The following HK1 variants were observed in gnomAD, a reference collection of about 807,000 sequenced individuals.
The protein encoded by HK1 is hexokinase 1.
HK1 carries 28 observed loss-of-function variants against 91.6 expected under a neutral mutation model. The ratio of observed to expected loss-of-function variants is 0.31; its 90% CI spans 0.23 to 0.42. The LOEUF is 0.42. Among genes scored for constraint, HK1 ranks in the 10% least tolerant of loss-of-function variants. HK1 has a pLI of 1.00. For missense variants in HK1, 770 were observed against 1,219.8 expected (o/e 0.63, Z 5.49); for synonymous variants, 430 against 468.1 (o/e 0.92, Z 1.05).
At position 69,380,183 on chromosome 10, in the gene HK1, CG is replaced by C; in HGVS notation, c.1265+89del. ...AGATCAGACTTTTGTACCCGGTAAACGTTTTTCGGCAGACAAGACAATGGTG... is the reference window on the plus strand; with the variant it reads ...AGATCAGACTTTTGTACCCGGTAAACTTTTTCGGCAGACAAGACAATGGTG... On this transcript the variant is annotated intron_variant, in intron 9 of 17. Transcript: ENST00000359426. This position sits in a 1 kb window ranked among gnomAD's most constrained non-coding sequence, Gnocchi z 4.0. 1.9e-6 allele frequency: 2 copies of C among 1,077,610 alleles called. No individual in the cohort carries two copies. The highest frequency in any genetic ancestry group is 2.8e-6 in the Non-Finnish European group (2 of 708,112). The allele number at this position is 1,077,610 out of a possible 1,614,324, so 66.8% of individuals were successfully genotyped here.
intron 1 of HK1, chr10:69,338,717 T>TG: frequency 7.9e-7 from 1 of 1,257,866 alleles, no homozygotes; most frequent in Non-Finnish European, 1.0e-6. Flanking sequence ...GTGTAAGTAC[T>TG]TGTGTGTGTA....
chr10:69,364,946 A>T, intron 4 of HK1, 44 bp downstream of exon 4: 1 of 1,612,472 alleles, frequency 6.2e-7, no homozygotes, highest in Non-Finnish European at 8.5e-7. Flanking sequence ...ATGCCCCGGG[A>T]TGGAAAAGCT....
At chr10:69,302,826 C>T (rs1336314723) in intron 5 of HK1, among the ~76,000 whole-genome samples, 2 of 151,272 alleles carry the variant, frequency 1.3e-5, no homozygotes, top group Non-Finnish European at 2.9e-5. Flanking sequence ...GATACATTTA[C>T]AGGTAGAATT....
intron 2 of HK1, among the ~76,000 whole-genome samples, chr10:69,346,387 T>A (rs368401387): frequency 2.3e-4 from 35 of 152,320 alleles, no homozygotes; most frequent in South Asian, 2.3e-3. Flanking sequence ...TTGACCCTGG[T>A]CGACTAGACA....
intron 4 of HK1, among the ~76,000 whole-genome samples, chr10:69,299,035 G>A (rs896171886): frequency 6.6e-6 from 1 of 151,580 alleles, no homozygotes; most frequent in African/African-American, 2.4e-5. Context: ...TCCCTCCTGG[G>A]TTCAAGTGAT....
At chr10:69,308,817 A>T (rs1343208263) in intron 5 of HK1, among the ~76,000 whole-genome samples, 1 of 152,166 alleles carries the variant, frequency 6.6e-6, no homozygotes, top group Admixed American at 6.6e-5. Flanking sequence ...CCTTTGGATG[A>T]GCAGTTCACA....
intron 7 of HK1, among the ~76,000 whole-genome samples, chr10:69,372,110 A>C (rs904184771): frequency 6.6e-6 from 1 of 152,080 alleles, no homozygotes; most frequent in Non-Finnish European, 1.5e-5. Flanking sequence ...GTGCAGGGGA[A>C]CTCCTCTTTA....
intron 2 of HK1, among the ~76,000 whole-genome samples, chr10:69,284,945 T>G (rs1407507568): frequency 6.6e-6 from 1 of 152,002 alleles, no homozygotes; most frequent in Non-Finnish European, 1.5e-5. Context: ...GCCTCCTGAA[T>G]AGCTGGGACT....
At chr10:69,383,478 G>A (rs1839491019) in intron 10 of HK1, among the ~76,000 whole-genome samples, 1 of 152,246 alleles carries the variant, frequency 6.6e-6, no homozygotes, top group Non-Finnish European at 1.5e-5. Flanking sequence ...TGACAGGAAT[G>A]TGTCCTATGT....
intron 1 of HK1, among the ~76,000 whole-genome samples, chr10:69,324,340 C>T (rs2132591201): frequency 6.6e-6 from 1 of 152,270 alleles, no homozygotes; most frequent in South Asian, 2.1e-4. Flanking sequence ...CCTATAATCC[C>T]AGCACTTTGG....
At chr10:69,307,761 G>A (rs533789512) in intron 5 of HK1, among the ~76,000 whole-genome samples, 1 of 152,288 alleles carries the variant, frequency 6.6e-6, no homozygotes, top group Non-Finnish European at 1.5e-5. Context: ...CTACCTAAGT[G>A]CTAGCTATTA....
chr10:69,385,211 C>G (rs1839576290), intron 12 of HK1, among the ~76,000 whole-genome samples: 1 of 152,192 alleles, frequency 6.6e-6, no homozygotes, highest in Non-Finnish European at 1.5e-5. Flanking sequence ...TTGCTTATAA[C>G]ACTTCTTACA....
At chr10:69,273,690 T>C (rs898658286) in intron 1 of HK1, among the ~76,000 whole-genome samples, 3 of 152,218 alleles carry the variant, frequency 2.0e-5, no homozygotes, top group African/African-American at 7.2e-5. Context: ...TCAAGTTCAG[T>C]GACAGATTTT....
intron 3 of HK1, among the ~76,000 whole-genome samples, chr10:69,362,024 T>G (rs753194132): frequency 8.5e-5 from 13 of 152,146 alleles, no homozygotes; most frequent in Non-Finnish European, 1.3e-4. Flanking sequence ...TCCATGTTGG[T>G]CAGGCTGGTC....
chr10:69,356,184 C>T (rs1175836739), intron 2 of HK1, among the ~76,000 whole-genome samples: 8 of 152,218 alleles, frequency 5.3e-5, no homozygotes, highest in South Asian at 2.1e-4. Context: ...TGCCTGTAAT[C>T]CCAGCACTTT....
At chr10:69,296,765 G>GT (rs1845583245) in intron 4 of HK1, among the ~76,000 whole-genome samples, 2 of 152,212 alleles carry the variant, frequency 1.3e-5, no homozygotes, top group East Asian at 3.8e-4. Context: ...GAGGAGGTTG[G>GT]ATGGGACTGG....
intron 14 of HK1, among the ~76,000 whole-genome samples, chr10:69,391,574 G>A (rs1328391891): frequency 1.3e-5 from 2 of 152,196 alleles, no homozygotes; most frequent in East Asian, 1.9e-4. Flanking sequence ...CCCTGGAGGC[G>A]GAGGTTGCAG....
chr10:69,382,858 G>A (rs1711751502), intron 10 of HK1, 67 bp downstream of exon 10: 6 of 1,527,690 alleles, frequency 3.9e-6, no homozygotes, highest in Non-Finnish European at 5.4e-6. Flanking sequence ...CAGTGGGGGA[G>A]GTTGGATTCG....
At chr10:69,312,909 C>T (rs908718574), upstream of HK1, among the ~76,000 whole-genome samples, 12 of 152,106 alleles carry the variant, frequency 7.9e-5, no homozygotes, top group African/African-American at 1.9e-4. Context: ...ACAAGGGAGC[C>T]GTATTTTGGG....
Sources: gnomAD v4.1 joint callset for allele counts (sites outside exome capture counted in the v4.1 genomes callset) on GRCh38, gnomAD v4.1.1 for gene constraint, Gnocchi (gnomAD v3.1) non-coding constraint, MANE v1.5 for transcripts, NCBI Gene and HGNC (gene_info 2026-07-23, HGNC 2026-07-21) for gene names.